The following SACS variants were observed in gnomAD, a reference collection of about 807,000 sequenced individuals.
SACS encodes sacsin molecular chaperone.
SACS carries 197 observed loss-of-function variants against 348.0 expected under a neutral mutation model. The observed-to-expected ratio is 0.57, with a 90% CI of 0.50 to 0.64. The LOEUF (loss-of-function observed/expected upper bound fraction) is 0.64. Ranked by LOEUF, SACS falls within the 30% of genes least tolerant of loss-of-function variation. The pLI is 0.00. For synonymous variants in SACS, 1,985 were observed against 1,910.6 expected (o/e 1.04, Z -1.02); for missense variants, 4,999 against 5,360.8 (o/e 0.93, Z 2.11).
At chr13:23,348,720 A>G (rs1379964077) in intron 9 of SACS, among the ~76,000 whole-genome samples, 8 of 152,202 alleles carry the variant, frequency 5.3e-5, no homozygotes, top group African/African-American at 1.9e-4. Context: ...ATGATGAATA[A>G]ACATTAGCTG....
Position 23,411,255 on chromosome 13 carries a change from G to A in SACS, c.-16C>T. 6.2e-7 allele frequency: 1 copy of A among 1,603,418 alleles called. No homozygotes were observed. The highest frequency in any genetic ancestry group is 8.5e-7 in the Non-Finnish European group (1 of 1,170,448). On this transcript the variant is annotated 5_prime_UTR_variant, in exon 2 of 10. Transcript: ENST00000382292. ...TGGTCTCCATGATCACTTCTCCTGGGATATTTGTTTGTGAAAACCATGAAA... is the reference window on the plus strand; with the variant it reads ...TGGTCTCCATGATCACTTCTCCTGGAATATTTGTTTGTGAAAACCATGAAA...
In SACS at chr13:23,339,385, A is replaced by G. The variant is rs1056501976; in HGVS notation, c.4491T>C (p.Ile1497=). 1 of 1,612,322 alleles carries G rather than the reference A, an allele frequency of 6.2e-7. No individual in the cohort carries two copies. Among genetic ancestry groups the G allele is most frequent in the African/African-American group, 1.3e-5 (1 of 74,816 alleles). The change falls in exon 10 of 10, where the codon ATT becomes ATC. Residue 1497 remains isoleucine, a synonymous_variant. Transcript: ENST00000382292. The stretch of plus-strand genomic sequence containing the variant: ...TTATGTCCATATTTCTTCTCATATC[A>G]ATCAAGAAACTGCATTCTGTTGCAT... ...DANATECSFL[I]DMRRNMDIRE...
rs1213203489 is a variant in SACS, at chr13:23,335,744, G to T, written c.8132C>A (p.Ser2711Ter). The change falls in exon 10 of 10, where the codon TCG becomes TAG. Residue 2711 changes from serine (S) to a stop codon, truncating the protein, a stop_gained. Coordinates refer to ENST00000382292, the MANE Select transcript of SACS (RefSeq NM_014363.6). LOFTEE classifies it high-confidence loss of function. The surrounding 1 kb of genome is among the most constrained non-coding windows in gnomAD (Gnocchi z 4.7). ...TGATGCTGGAACAGACGAAATTTCC[G>T]AAACTTTTGCCATTTCTGCATTACG... is the stretch of plus-strand genomic sequence containing the variant. ...PLRNAEMAKV[S>*]EISSVPASDR... is the part of the protein sequence containing the mutation. The T allele has an allele frequency of 6.2e-7, 1 of 1,613,988 alleles. No homozygotes were observed. Among genetic ancestry groups the T allele is most frequent in the East Asian group, 2.2e-5 (1 of 44,872 alleles).
intron 2 of SACS, among the ~76,000 whole-genome samples, chr13:23,404,766 A>G (rs1186268237): frequency 5.3e-5 from 8 of 152,132 alleles, no homozygotes; most frequent in African/African-American, 1.9e-4. Context: ...AAGCATTTCT[A>G]TACACCAATA....
chr13:23,387,812 T>G lies in SACS; in HGVS notation c.21-12543A>C, dbSNP rs145037103. Among the ~76,000 whole-genome samples, 1,188 of 152,328 alleles carry G rather than the reference T, an allele frequency of 7.8e-3. 19 individuals are homozygous for G. The highest frequency in any genetic ancestry group is 0.027 in the African/African-American group (1,139 of 41,566). On this transcript the variant is annotated intron_variant, in intron 2 of 9. Transcript: ENST00000382292. Reference sequence around the variant, plus strand: ...AACTTTTTTATTACAACATGATCTATGGATCCAGAGAATATGGCGGTGAGG... The same window carrying G: ...AACTTTTTTATTACAACATGATCTAGGGATCCAGAGAATATGGCGGTGAGG...
At position 23,330,409 on chromosome 13, in the gene SACS, G is replaced by A. The variant is rs199744157; in HGVS notation, c.13467C>T (p.Asp4489=). Residue 4489 remains aspartate, a synonymous_variant, in exon 10 of 10, where the codon GAC becomes GAT. Transcript: ENST00000382292. ...LSTKLALIAA[D]YAVRGKSDKD... is the part of the protein sequence containing the mutation. ...TATCAGACTTTCCCCTCACAGCATA[G>A]TCAGCTGCAATCAAAGCTAACTTGG... 2 of 1,614,148 alleles carry A rather than the reference G, an allele frequency of 1.2e-6. No individual in the cohort carries two copies. Among genetic ancestry groups the A allele is most frequent in the Non-Finnish European group, 1.7e-6 (2 of 1,180,030 alleles).
rs1883499436 is a variant in SACS, at chr13:23,331,866, A to G, written c.12010T>C (p.Leu4004=). ...ALCSLQGRLQ[L]LLSSEQFITG... ...ATGAACTGTTCAGAAGACAAGAGTA[A>G]CTGCAATCTTCCTTGAAGAGAACAC... Residue 4004 remains leucine, a synonymous_variant, in exon 10 of 10, where the codon TTA becomes CTA. Coordinates refer to ENST00000382292, the MANE Select transcript of SACS (RefSeq NM_014363.6). 1 of 1,613,966 alleles carries G rather than the reference A, an allele frequency of 6.2e-7. No individual in the cohort carries two copies. Among genetic ancestry groups the G allele is most frequent in the Admixed American group, 1.7e-5 (1 of 60,004 alleles).
intron 2 of SACS, among the ~76,000 whole-genome samples, chr13:23,392,631 A>C (rs1872569855): frequency 6.6e-6 from 1 of 152,228 alleles, no homozygotes; most frequent in African/African-American, 2.4e-5. Flanking sequence ...GAAAAAAGTA[A>C]CTGATTCAAG....
At chr13:23,399,716 T>A (rs1399717441) in intron 2 of SACS, among the ~76,000 whole-genome samples, 1 of 152,096 alleles carries the variant, frequency 6.6e-6, no homozygotes, top group East Asian at 1.9e-4. Context: ...AGTAAATTTG[T>A]CTTGCTGAGA....
Position 23,403,039 on chromosome 13 carries a change from G to A in SACS, c.20+8181C>T, listed in dbSNP as rs150670047. ...AAAATACAAAAAAAATTAGCTGGGC[G>A]TGGTGGCAGATGCCCGTAATCCCAG... On this transcript the variant is annotated intron_variant, in intron 2 of 9. Coordinates refer to ENST00000382292, the MANE Select transcript of SACS (RefSeq NM_014363.6). 8.4e-3 allele frequency among the ~76,000 whole-genome samples: 1,282 copies of A among 152,132 alleles called. 16 individuals carry two copies. The highest frequency in any genetic ancestry group is 0.03 in the African/African-American group (1,243 of 41,482).
intron 9 of SACS, among the ~76,000 whole-genome samples, chr13:23,342,828 C>G (rs1345803207): frequency 6.6e-6 from 1 of 152,188 alleles, no homozygotes; most frequent in Non-Finnish European, 1.5e-5. Flanking sequence ...GGTTTCCTTT[C>G]AACAACTAAA....
intron 2 of SACS, among the ~76,000 whole-genome samples, chr13:23,393,289 T>C (rs1365298454): frequency 3.3e-5 from 5 of 152,214 alleles, no homozygotes; most frequent in Non-Finnish European, 5.9e-5. Context: ...CATGGAGATA[T>C]GTGTGTAAAT....
intron 9 of SACS, among the ~76,000 whole-genome samples, chr13:23,343,241 A>G (rs1869380230): frequency 6.6e-6 from 1 of 152,222 alleles, no homozygotes; most frequent in African/African-American, 2.4e-5. Context: ...TCAGAGTATA[A>G]CATTTATAAT....
chr13:23,375,732 C>T (rs1871760300), intron 2 of SACS, among the ~76,000 whole-genome samples: 1 of 150,378 alleles, frequency 6.6e-6, no homozygotes, highest in South Asian at 2.1e-4. Flanking sequence ...GGACAGTTAG[C>T]GAAGGAGCCG....
intron 2 of SACS, among the ~76,000 whole-genome samples, chr13:23,379,631 C>T (rs552871008): frequency 7.0e-4 from 107 of 152,290 alleles, no homozygotes; most frequent in Non-Finnish European, 1.3e-3. Context: ...GTTGAGTAAA[C>T]GTTAACTGTG....
chr13:23,335,622 T>G lies in SACS; in HGVS notation c.8254A>C (p.Ile2752Leu), dbSNP rs375814343. 3.1e-6 allele frequency: 5 copies of G among 1,613,952 alleles called. No individual in the cohort carries two copies. The South Asian group carries it at 4.4e-5, about 14-fold the overall frequency. The change falls in exon 10 of 10, where the codon ATA (isoleucine) becomes CTA (leucine). Residue 2752 changes from isoleucine (I) to leucine (L), a missense_variant. Around this residue, in one of 6 missense-constraint regions of SACS, gnomAD observed 3,156 missense variants for 3,380.1 expected, o/e 0.93. Coordinates refer to ENST00000382292, the MANE Select transcript of SACS (RefSeq NM_014363.6). This position sits in a 1 kb window ranked among gnomAD's most constrained non-coding sequence, Gnocchi z 4.7. ...NHMEKISICE[I>L]DKSTGALNVL... ...TTTAGAGCTCCAGTACTCTTATCTATTTCACAAATAGAAATTTTTTCCATG... is the reference window on the plus strand; with the variant it reads ...TTTAGAGCTCCAGTACTCTTATCTAGTTCACAAATAGAAATTTTTTCCATG...
At chr13:23,347,591 G>A (rs147773250) in intron 9 of SACS, among the ~76,000 whole-genome samples, 13 of 152,172 alleles carry the variant, frequency 8.5e-5, no homozygotes, top group Non-Finnish European at 1.6e-4. Context: ...TACTGATTGA[G>A]TGCTAGAGAT....
chr13:23,400,942 A>C (rs1872949479), intron 2 of SACS, among the ~76,000 whole-genome samples: 1 of 151,908 alleles, frequency 6.6e-6, no homozygotes, highest in Non-Finnish European at 1.5e-5. Flanking sequence ...GGTGTTAAAA[A>C]TTATTAAGTT....
rs553597542 is a variant in SACS at position 23,405,370 on chromosome 13, G to A, written c.20+5850C>T. Among the ~76,000 whole-genome samples, 11 of 152,266 alleles carry A rather than the reference G, an allele frequency of 7.2e-5. No individual in the cohort carries two copies. In the South Asian group the frequency reaches 2.1e-3, roughly 29 times the overall value. Reference sequence around the variant, plus strand: ...ACTGGCTAGCCATTTGCAGAAAACTGAAACTGGACTCCTTACACCTTATAC... The same window carrying A: ...ACTGGCTAGCCATTTGCAGAAAACTAAAACTGGACTCCTTACACCTTATAC... On this transcript the variant is annotated intron_variant, in intron 2 of 9. Transcript: ENST00000382292.
Sources: gnomAD v4.1 joint callset for allele counts (sites outside exome capture counted in the v4.1 genomes callset) on GRCh38, gnomAD v4.1.1 for gene constraint, gnomAD v4.1.1 regional missense constraint, Gnocchi (gnomAD v3.1) non-coding constraint, MANE v1.5 for transcripts, NCBI Gene and HGNC (gene_info 2026-07-23, HGNC 2026-07-21) for gene names.